The following PRKAG2 variants were observed in gnomAD, a reference collection of about 807,000 sequenced individuals.
PRKAG2 encodes the protein 5'-AMP-activated protein kinase subunit gamma-2.
In PRKAG2, 26 loss-of-function variants were observed where a neutral mutation model predicts 69.6. The ratio of observed to expected loss-of-function variants is 0.37; its 90% CI spans 0.27 to 0.52. The LOEUF (loss-of-function observed/expected upper bound fraction) is 0.52, where lower values mean the gene tolerates loss of function less well. Ranked by LOEUF, PRKAG2 falls within the 20% of genes least tolerant of loss-of-function variation. PRKAG2 has a pLI of 0.90. For synonymous variants in PRKAG2, 293 were observed against 285.0 expected, an observed-to-expected ratio of 1.03 and a Z score of -0.28; for missense variants, 557 against 740.0, an observed-to-expected ratio of 0.75 and a Z score of 2.87.
intron 5 of PRKAG2, among the ~76,000 whole-genome samples, chr7:151,606,161 C>G (rs1014007999): frequency 1.3e-5 from 2 of 152,154 alleles, no homozygotes; most frequent in Non-Finnish European, 2.9e-5. Flanking sequence ...TCCCAAACTT[C>G]TGGGATTACA....
intron 2 of PRKAG2, among the ~76,000 whole-genome samples, chr7:151,784,606 C>T (rs926926747): frequency 3.3e-5 from 5 of 152,066 alleles, no homozygotes; most frequent in Non-Finnish European, 4.4e-5. Context: ...GACAGAGGGC[C>T]GGCCATTCAC....
chr7:151,750,215 G>A (rs1369043819), intron 3 of PRKAG2, among the ~76,000 whole-genome samples: 1 of 151,848 alleles, frequency 6.6e-6, no homozygotes, highest in East Asian at 1.9e-4. Flanking sequence ...TCCTCAACAA[G>A]TTAAACACAA....
At chr7:151,680,884 G>T (rs547479131) in intron 3 of PRKAG2, among the ~76,000 whole-genome samples, 1 of 152,140 alleles carries the variant, frequency 6.6e-6, no homozygotes, top group Non-Finnish European at 1.5e-5. Context: ...CTTTCTCTTC[G>T]AGAAGTTTTT....
chr7:151,731,560 T>G (rs60262376), intron 3 of PRKAG2, among the ~76,000 whole-genome samples: 3,683 of 151,118 alleles, frequency 0.024, 144 homozygotes, highest in African/African-American at 0.086. Flanking sequence ...GACATGTGTG[T>G]GCGAGTGTGT....
chr7:151,847,125 C>T (rs1268610403), intron 1 of PRKAG2, among the ~76,000 whole-genome samples: 2 of 152,176 alleles, frequency 1.3e-5, no homozygotes, highest in Non-Finnish European at 2.9e-5. Context: ...CTGGAATCTC[C>T]CAGTGAAACC....
intron 1 of PRKAG2, among the ~76,000 whole-genome samples, chr7:151,830,849 T>C (rs556759964): frequency 6.6e-6 from 1 of 151,936 alleles, no homozygotes; most frequent in African/African-American, 2.4e-5. Context: ...ATTCTACACA[T>C]GTTGTGCTCT....
intron 1 of PRKAG2, among the ~76,000 whole-genome samples, chr7:151,862,608 A>C (rs1371637499): frequency 6.6e-6 from 1 of 152,214 alleles, no homozygotes; most frequent in Non-Finnish European, 1.5e-5. Context: ...GGGACATGAC[A>C]AAGTGTAGAC....
At chr7:151,857,745 T>C (rs778225170) in intron 1 of PRKAG2, among the ~76,000 whole-genome samples, 9 of 152,258 alleles carry the variant, frequency 5.9e-5, no homozygotes, top group Non-Finnish European at 1.0e-4. Context: ...GCTCTCTTTG[T>C]GGTCACTGTT....
At chr7:151,820,331 C>T (rs766575504) in intron 1 of PRKAG2, among the ~76,000 whole-genome samples, 16 of 152,386 alleles carry the variant, frequency 1.0e-4, no homozygotes, top group Non-Finnish European at 1.8e-4. Flanking sequence ...ACCCCCATCA[C>T]GATTACTCCT....
intron 1 of PRKAG2, among the ~76,000 whole-genome samples, chr7:151,820,450 T>A (rs962571177): frequency 4.0e-5 from 6 of 149,584 alleles, no homozygotes; most frequent in Non-Finnish European, 8.9e-5. Context: ...CTCCGTGGCC[T>A]GGCCCCTGTG....
intron 1 of PRKAG2, among the ~76,000 whole-genome samples, chr7:151,793,180 A>G (rs2151827063): frequency 6.6e-6 from 1 of 152,238 alleles, no homozygotes; most frequent in South Asian, 2.1e-4. Flanking sequence ...CTCATCTCCT[A>G]TCTTCATCAT....
intron 1 of PRKAG2, among the ~76,000 whole-genome samples, chr7:151,846,057 G>A (rs912337011): frequency 2.0e-5 from 3 of 152,182 alleles, no homozygotes; most frequent in South Asian, 2.1e-4. Context: ...ATCAGTGCTC[G>A]CCCCTACTTG....
intron 15 of PRKAG2, chr7:151,558,375 C>G (rs753144460): frequency 1.0e-6 from 1 of 985,336 alleles, no homozygotes; most frequent in Admixed American, 6.1e-5. Flanking sequence ...CACTGCGCCT[C>G]ATTGCACACA....
At chr7:151,609,005 G>T (rs1023201377) in intron 5 of PRKAG2, among the ~76,000 whole-genome samples, 3 of 152,004 alleles carry the variant, frequency 2.0e-5, no homozygotes, top group African/African-American at 7.3e-5. Context: ...GGGACTATAG[G>T]CATACACCAC....
At chr7:151,714,076 G>A (rs1208371525) in intron 3 of PRKAG2, among the ~76,000 whole-genome samples, 1 of 151,968 alleles carries the variant, frequency 6.6e-6, no homozygotes, top group African/African-American at 2.4e-5. Context: ...TAGATAACTC[G>A]GGCTGGGGTC....
At chr7:151,842,025 GGATGGTAGT>G (rs1236361493) in intron 1 of PRKAG2, among the ~76,000 whole-genome samples, 13 of 139,520 alleles carry the variant, frequency 9.3e-5, no homozygotes, top group African/African-American at 3.0e-4. Flanking sequence ...TGGTAGGTAG[GGATGGTAGT>G]GATGGTAGTG....
chr7:151,675,475 T>C lies in PRKAG2; in HGVS notation c.629A>G (p.Gln210Arg), dbSNP rs1585679990. The C allele has an allele frequency of 1.2e-6, 2 of 1,613,972 alleles. No individual in the cohort carries two copies. Among genetic ancestry groups the C allele is most frequent in the East Asian group, 2.2e-5 (1 of 44,876 alleles). Reference sequence around the variant, plus strand: ...TGCCAGTGGAGGCCTGGTCGGGCTCTGGAAGGAAGACGGGCAGAACCTCTG... The same window carrying C: ...TGCCAGTGGAGGCCTGGTCGGGCTCCGGAAGGAAGACGGGCAGAACCTCTG... ...TGQRFCPSSFQSPTRPPLASP... is the reference protein window; with the variant it reads ...TGQRFCPSSFRSPTRPPLASP... Residue 210 changes from glutamine (Q) to arginine (R), a missense_variant, in exon 4 of 16, where the codon CAG becomes CGG. By Grantham distance (43) the Gln-to-Arg change is conservative. Coordinates refer to ENST00000287878, the MANE Select transcript of PRKAG2 (RefSeq NM_016203.4).
intron 1 of PRKAG2, among the ~76,000 whole-genome samples, chr7:151,796,009 A>G (rs962549340): frequency 6.7e-6 from 1 of 149,480 alleles, no homozygotes. Flanking sequence ...ATAATCACAT[A>G]ATATATTAAC....
chr7:151,697,849 A>G (rs1006290339), intron 3 of PRKAG2, among the ~76,000 whole-genome samples: 1 of 152,182 alleles, frequency 6.6e-6, no homozygotes, highest in Non-Finnish European at 1.5e-5. Context: ...CTGCCAGGAT[A>G]AAGAAGGACG....
Sources: allele counts gnomAD v4.1 joint callset (sites outside exome capture counted in the v4.1 genomes callset), GRCh38; gene constraint gnomAD v4.1.1; transcripts MANE v1.5; gene names NCBI Gene and HGNC (gene_info 2026-07-23, HGNC 2026-07-21).